Variants in ARHGAP24 observed in about 807,000 individuals in gnomAD.
ARHGAP24 encodes Rho GTPase activating protein 24.
A neutral mutation model predicts 76.4 loss-of-function variants in ARHGAP24; 50 were observed. The observed-to-expected ratio is 0.65, with a 90% confidence interval of 0.52 to 0.83. ARHGAP24 has a LOEUF of 0.83. Among genes scored for constraint, ARHGAP24 ranks in the 40% least tolerant of loss-of-function variants. The pLI is 0.00. For synonymous variants in ARHGAP24, 345 were observed against 323.3 expected, an observed-to-expected ratio of 1.07 and a Z score of -0.72; for missense variants, 930 against 914.2, an observed-to-expected ratio of 1.02 and a Z score of -0.22.
chr4:85,908,572 C>G (rs1279754017), intron 3 of ARHGAP24, among the ~76,000 whole-genome samples: 2 of 152,124 alleles, frequency 1.3e-5, no homozygotes, highest in Admixed American at 6.5e-5. Context: ...AGAGTCCCAA[C>G]TGAAAAAGAT....
intron 3 of ARHGAP24, among the ~76,000 whole-genome samples, chr4:85,887,379 A>T (rs1733621788): frequency 6.6e-6 from 1 of 152,152 alleles, no homozygotes; most frequent in Non-Finnish European, 1.5e-5. Flanking sequence ...AGAATTATTA[A>T]TCAAAGGAGA....
rs114315452 is a variant in ARHGAP24, at chr4:85,924,672, G to A, written c.391+902G>A. On this transcript the variant is annotated intron_variant, in intron 4 of 9. Coordinates refer to ENST00000395184, the MANE Select transcript of ARHGAP24 (RefSeq NM_001025616.3). Reference sequence around the variant, plus strand: ...TTTTTTTTTTTTCTCTGAACAGATCGGACACTTCTTAGGCTGACTGACCAT... The same window carrying A: ...TTTTTTTTTTTTCTCTGAACAGATCAGACACTTCTTAGGCTGACTGACCAT... The A allele has an allele frequency of 5.3e-3, 792 of 150,382 alleles. 6 individuals are homozygous for A. The highest frequency in any genetic ancestry group is 0.018 in the African/African-American group (747 of 40,838). 9.3% of individuals were successfully genotyped at this position (150,382 alleles called of 1,614,324 possible).
intron 3 of ARHGAP24, among the ~76,000 whole-genome samples, chr4:85,728,684 G>A (rs1226764367): frequency 6.6e-6 from 1 of 152,150 alleles, no homozygotes; most frequent in African/African-American, 2.4e-5. Context: ...GATGGTTACT[G>A]CAGCTGTGTT....
Position 85,660,687 on chromosome 4 carries a change from T to A in ARHGAP24, c.181-61198T>A, listed in dbSNP as rs142138827. ...GGCACATGCCTGTAATCCCAGCTAC[T>A]CAGGAGGCTGAGGCAGGAGAATCCC... On this transcript the variant is annotated intron_variant, in intron 2 of 9. Transcript: ENST00000395184. 1.7e-4 allele frequency among the ~76,000 whole-genome samples: 26 copies of A among 149,018 alleles called. No individual in the cohort carries two copies. In the East Asian group the frequency reaches 5.2e-3, roughly 30 times the overall value.
At chr4:85,724,932 T>C (rs1288769275) in intron 3 of ARHGAP24, among the ~76,000 whole-genome samples, 1 of 152,170 alleles carries the variant, frequency 6.6e-6, no homozygotes, top group Non-Finnish European at 1.5e-5. Flanking sequence ...AAGTGAACTA[T>C]TATGGCCAAA....
chr4:85,958,322 G>A (rs1352961131), intron 5 of ARHGAP24, among the ~76,000 whole-genome samples: 1 of 152,138 alleles, frequency 6.6e-6, no homozygotes, highest in Non-Finnish European at 1.5e-5. Flanking sequence ...AATTGCACAG[G>A]CCCTGGCATG....
chr4:85,853,331 A>G (rs1259808769), intron 3 of ARHGAP24, among the ~76,000 whole-genome samples: 1 of 152,180 alleles, frequency 6.6e-6, no homozygotes, highest in Non-Finnish European at 1.5e-5. Flanking sequence ...GACTGTTGGA[A>G]AAGCACAGTA....
At chr4:85,913,170 A>T (rs563608965) in intron 3 of ARHGAP24, among the ~76,000 whole-genome samples, 4 of 152,112 alleles carry the variant, frequency 2.6e-5, no homozygotes, top group African/African-American at 9.6e-5. Context: ...TCCTTAATAC[A>T]TTAAAATGCC....
chr4:85,675,020 A>G (rs930944835), intron 2 of ARHGAP24, among the ~76,000 whole-genome samples: 2 of 152,194 alleles, frequency 1.3e-5, no homozygotes, highest in African/African-American at 4.8e-5. Flanking sequence ...CATGGAGCTT[A>G]TTCTTGAGCA....
chr4:85,679,908 A>G (rs913680672), intron 2 of ARHGAP24, among the ~76,000 whole-genome samples: 3 of 152,236 alleles, frequency 2.0e-5, no homozygotes, highest in Non-Finnish European at 2.9e-5. Context: ...AATAAAGGGT[A>G]GATAAGAGGA....
chr4:85,869,343 T>C (rs951999480), intron 3 of ARHGAP24, among the ~76,000 whole-genome samples: 37 of 152,182 alleles, frequency 2.4e-4, no homozygotes, highest in Non-Finnish European at 1.5e-4. Flanking sequence ...GCCCTCAGTG[T>C]CTGTCACTCT....
At chr4:85,517,243 C>T (rs6841899) in intron 1 of ARHGAP24, among the ~76,000 whole-genome samples, 9,722 of 152,166 alleles carry the variant, frequency 0.064, 742 homozygotes, top group African/African-American at 0.18. Context: ...GTTAATAAAA[C>T]ATTTTTTCAC....
chr4:85,485,785 A>G (rs1372568395), intron 1 of ARHGAP24, among the ~76,000 whole-genome samples: 2 of 148,196 alleles, frequency 1.3e-5, no homozygotes, highest in African/African-American at 5.0e-5. Flanking sequence ...CCCAGGCTGG[A>G]GTGCAGTGGT....
chr4:85,637,231 C>T (rs1390701511), intron 2 of ARHGAP24, among the ~76,000 whole-genome samples: 1 of 151,954 alleles, frequency 6.6e-6, no homozygotes, highest in Admixed American at 6.6e-5. Context: ...CCCTGGGTAG[C>T]GTAGCTATAA....
chr4:85,815,274 A>T (rs1729189397), intron 3 of ARHGAP24, among the ~76,000 whole-genome samples: 1 of 152,094 alleles, frequency 6.6e-6, no homozygotes, highest in African/African-American at 2.4e-5. Context: ...ACCTATGCAA[A>T]TTTCTGCATC....
intron 2 of ARHGAP24, among the ~76,000 whole-genome samples, chr4:85,624,896 A>G (rs922464445): frequency 2.7e-4 from 41 of 152,060 alleles, no homozygotes; most frequent in African/African-American, 9.4e-4. Context: ...CGTAGTTTGT[A>G]TTTCTGTGGG....
intron 3 of ARHGAP24, among the ~76,000 whole-genome samples, chr4:85,742,655 A>T (rs1342804173): frequency 6.6e-6 from 1 of 152,184 alleles, no homozygotes; most frequent in Non-Finnish European, 1.5e-5. Context: ...AGATGTGGAA[A>T]CTGAGGTTTG....
chr4:85,664,666 C>A (rs865908605), intron 2 of ARHGAP24, among the ~76,000 whole-genome samples: 3 of 150,498 alleles, frequency 2.0e-5, no homozygotes, highest in South Asian at 4.3e-4. Flanking sequence ...ATAAATTTCC[C>A]TCTACACACT....
At chr4:85,734,903 A>C (rs1473579393) in intron 3 of ARHGAP24, among the ~76,000 whole-genome samples, 1 of 152,066 alleles carries the variant, frequency 6.6e-6, no homozygotes, top group East Asian at 1.9e-4. Flanking sequence ...ATTTTCGATC[A>C]TCCTGTCTCC....
Sources: gnomAD v4.1 joint callset for allele counts (sites outside exome capture counted in the v4.1 genomes callset) on GRCh38, gnomAD v4.1.1 for gene constraint, MANE v1.5 for transcripts, NCBI Gene and HGNC (gene_info 2026-07-23, HGNC 2026-07-21) for gene names.